CTNNA2: variants seen among roughly 807,000 people sequenced by gnomAD.
CTNNA2 encodes catenin alpha 2.
A neutral mutation model predicts 101.0 loss-of-function variants in CTNNA2; 42 were observed. The observed-to-expected ratio is 0.42, with a 90% confidence interval of 0.32 to 0.54. The LOEUF is 0.54. Ranked by LOEUF, CTNNA2 falls within the 20% of genes least tolerant of loss-of-function variation. CTNNA2 has a pLI of 0.14. For missense variants in CTNNA2, 871 were observed against 1,223.1 expected (o/e 0.71, Z 4.29); for synonymous variants, 450 against 456.4 (o/e 0.99, Z 0.18).
chr2:79,549,598 C>G (rs1673961792), intron 1 of CTNNA2, among the ~76,000 whole-genome samples: 1 of 152,070 alleles, frequency 6.6e-6, no homozygotes, highest in Non-Finnish European at 1.5e-5. Flanking sequence ...ATATGTTAAT[C>G]AGCTCAATGG....
intron 1 of CTNNA2, among the ~76,000 whole-genome samples, chr2:79,536,422 G>A (rs1201061515): frequency 6.6e-6 from 1 of 152,176 alleles, no homozygotes; most frequent in African/African-American, 2.4e-5. Flanking sequence ...GAAATGGCAA[G>A]TAAGATCCAG....
At chr2:79,955,569 A>G (rs565611774) in intron 7 of CTNNA2, among the ~76,000 whole-genome samples, 1 of 152,262 alleles carries the variant, frequency 6.6e-6, no homozygotes, top group Admixed American at 6.5e-5. Context: ...TCCCCAGGTG[A>G]CATCAGAGAG....
At chr2:80,441,217 G>A (rs1330437706) in intron 9 of CTNNA2, among the ~76,000 whole-genome samples, 2 of 152,146 alleles carry the variant, frequency 1.3e-5, no homozygotes, top group Admixed American at 6.5e-5. Context: ...CACGCAGTGG[G>A]TAAAATTTTG....
rs956899447 is a variant in CTNNA2, at chr2:80,608,097, A to C, written c.2296-87A>C. On this transcript the variant is annotated intron_variant, in intron 16 of 18. Transcript: ENST00000402739. ...TGTAATTAAGGTATATGACACTGAA[A>C]ACTTTTCTTCCTGCAGCTTTTCTAT... 2.2e-6 allele frequency: 3 copies of C among 1,377,486 alleles called. No individual in the cohort carries two copies. The African/African-American group carries it at 4.3e-5, about 20-fold the overall frequency. The allele number at this position is 1,377,486 out of a possible 1,614,324, so 85.3% of individuals were successfully genotyped here. A position where few individuals can be genotyped will look rare whatever the true frequency, so the allele number is the denominator to read the frequency against.
chr2:80,256,752 C>T (rs1276580640), intron 7 of CTNNA2, among the ~76,000 whole-genome samples: 1 of 152,124 alleles, frequency 6.6e-6, no homozygotes, highest in Non-Finnish European at 1.5e-5. Context: ...GAAGCAGAAA[C>T]TTCAAAATTT....
At chr2:79,937,018 A>T (rs1574356799) in intron 7 of CTNNA2, among the ~76,000 whole-genome samples, 1 of 152,196 alleles carries the variant, frequency 6.6e-6, no homozygotes, top group East Asian at 1.9e-4. Flanking sequence ...ACACATAGAA[A>T]ATAATGCCAT....
chr2:80,235,702 G>T (rs546517734), intron 7 of CTNNA2, among the ~76,000 whole-genome samples: 3 of 152,196 alleles, frequency 2.0e-5, no homozygotes, highest in Non-Finnish European at 2.9e-5. Context: ...ACACAGTCCA[G>T]TGAAGAATCA....
chr2:79,443,845 C>T (rs999771808), intron 4 of CTNNA2, among the ~76,000 whole-genome samples: 1 of 151,802 alleles, frequency 6.6e-6, no homozygotes, highest in Non-Finnish European at 1.5e-5. Context: ...GATAAAATGT[C>T]ACTTTCATGA....
intron 3 of CTNNA2, among the ~76,000 whole-genome samples, chr2:79,842,077 C>A (rs892482725): frequency 1.1e-4 from 17 of 152,108 alleles, no homozygotes; most frequent in Admixed American, 4.6e-4. Context: ...ATGAAAACAT[C>A]ATTTTAGTAT....
At chr2:79,842,790 G>T (rs1412373990) in intron 3 of CTNNA2, among the ~76,000 whole-genome samples, 1 of 151,426 alleles carries the variant, frequency 6.6e-6, no homozygotes, top group African/African-American at 2.4e-5. Flanking sequence ...TTAGTATTTT[G>T]CCTGGTATCT....
At chr2:79,825,771 T>C (rs1678389765) in intron 3 of CTNNA2, among the ~76,000 whole-genome samples, 1 of 152,038 alleles carries the variant, frequency 6.6e-6, no homozygotes, top group African/African-American at 2.4e-5. Flanking sequence ...AAAGAGAATG[T>C]AGAGAGAGAA....
chr2:80,125,178 G>C (rs1314512996), intron 7 of CTNNA2, among the ~76,000 whole-genome samples: 5 of 152,172 alleles, frequency 3.3e-5, no homozygotes, highest in African/African-American at 1.2e-4. Flanking sequence ...GTGTCATTTG[G>C]CCCAAATGAC....
At chr2:79,393,628 GAAAAAAAA>G (rs71385270) in intron 4 of CTNNA2, among the ~76,000 whole-genome samples, 1 of 89,036 alleles carries the variant, frequency 1.1e-5, no homozygotes. Flanking sequence ...TGTTCACAGA[GAAAAAAAA>G]AAAAAAAAAA....
chr2:79,481,769 AAAAT>A (rs920528744), intron 4 of CTNNA2, among the ~76,000 whole-genome samples: 40 of 152,294 alleles, frequency 2.6e-4, no homozygotes, highest in African/African-American at 9.1e-4. Flanking sequence ...TAAAACTGTT[AAAAT>A]AAATAAATAA....
chr2:80,133,013 T>C lies in CTNNA2; in HGVS notation c.1056+223216T>C, dbSNP rs75397386. Among the ~76,000 whole-genome samples the C allele has an allele frequency of 7.6e-4, 115 of 152,244 alleles. No homozygotes were observed. In the East Asian group the frequency reaches 0.021, roughly 28 times the overall value. On this transcript the variant is annotated intron_variant, in intron 7 of 18. Coordinates refer to ENST00000402739, the MANE Select transcript of CTNNA2 (RefSeq NM_001282597.3). ...CTGAGAATGTGACCATGTTTGGAAA[T>C]AGTGTCTTTGCAGGTTTAATCAAGT...
chr2:80,415,991 A>T lies in CTNNA2; in HGVS notation c.1138-3458A>T, dbSNP rs1381272101. On this transcript the variant is annotated intron_variant, in intron 8 of 18. Coordinates refer to ENST00000402739, the MANE Select transcript of CTNNA2 (RefSeq NM_001282597.3). ...TTATATATGGAACCTAAAAACAAAC[A>T]AACAAACAAGAGGTGGAACTCACAG... is the stretch of plus-strand genomic sequence containing the variant. Among the ~76,000 whole-genome samples the T allele has an allele frequency of 2.6e-5, 4 of 152,138 alleles. No individual in the cohort carries two copies. In the East Asian group the frequency reaches 7.7e-4, roughly 29 times the overall value.
At chr2:79,189,192 C>T (rs1332088012) in intron 1 of CTNNA2, among the ~76,000 whole-genome samples, 1 of 152,084 alleles carries the variant, frequency 6.6e-6, no homozygotes, top group Non-Finnish European at 1.5e-5. Context: ...ACAGTGCACA[C>T]AAAAAGAATA....
chr2:79,886,071 T>C (rs1683836350), intron 6 of CTNNA2, among the ~76,000 whole-genome samples: 1 of 152,198 alleles, frequency 6.6e-6, no homozygotes, highest in Admixed American at 6.5e-5. Flanking sequence ...TAAACAGCTA[T>C]AGACGCTGCA....
At chr2:79,249,704 T>C (rs1674744784) in intron 2 of CTNNA2, among the ~76,000 whole-genome samples, 1 of 152,194 alleles carries the variant, frequency 6.6e-6, no homozygotes, top group Admixed American at 6.5e-5. Flanking sequence ...TTTGCATCCC[T>C]TTTTAACCTG....
Sources: gnomAD v4.1 joint callset for allele counts (sites outside exome capture counted in the v4.1 genomes callset) on GRCh38, gnomAD v4.1.1 for gene constraint, MANE v1.5 for transcripts, NCBI Gene and HGNC (gene_info 2026-07-23, HGNC 2026-07-21) for gene names.